SPATA3: variants seen among roughly 807,000 people sequenced by gnomAD.
The protein encoded by SPATA3 is spermatogenesis associated 3, also known as spermatogenesis-associated protein 3.
SPATA3 carries 6 observed loss-of-function variants against 5.7 expected under a neutral mutation model. The ratio of observed to expected loss-of-function variants is 1.06; its 90% confidence interval spans 0.58 to 2.09. The LOEUF is 2.09. Ranked by LOEUF, SPATA3 falls within the 30% of genes most tolerant of loss-of-function variation. The probability of loss-of-function intolerance (pLI) is 0.00; values close to 1 mark genes in which losing one functional copy is unlikely to be tolerated. For synonymous variants in SPATA3, 44 were observed against 48.4 expected (o/e 0.91, Z 0.37); for missense variants, 155 against 130.4 (o/e 1.19, Z -0.92).
chr2:230,997,377 C>G (rs915123658), intron 1 of SPATA3, among the ~76,000 whole-genome samples: 1 of 152,178 alleles, frequency 6.6e-6, no homozygotes, highest in Non-Finnish European at 1.5e-5. Flanking sequence ...ACTGTAAGTT[C>G]CACAAACCTC....
intron 6 of SPATA3, among the ~76,000 whole-genome samples, chr2:231,016,831 A>G (rs1244957060): frequency 6.6e-6 from 1 of 152,090 alleles, no homozygotes; most frequent in African/African-American, 2.4e-5. Context: ...CAGGCATCAG[A>G]TAGGATTCAA....
intron 1 of SPATA3, among the ~76,000 whole-genome samples, chr2:230,996,896 C>T (rs1007395941): frequency 8.5e-5 from 13 of 152,216 alleles, no homozygotes; most frequent in African/African-American, 3.1e-4. Context: ...GATGATACTG[C>T]TTTATTCTGT....
At chr2:231,013,226 C>G (rs912430536) in intron 5 of SPATA3, among the ~76,000 whole-genome samples, 3 of 152,072 alleles carry the variant, frequency 2.0e-5, no homozygotes, top group Non-Finnish European at 4.4e-5. Flanking sequence ...AAGGCAATGA[C>G]TGATTTGATT....
chr2:231,011,049 G>T (rs1204260462), downstream of SPATA3, among the ~76,000 whole-genome samples: 1 of 128,700 alleles, frequency 7.8e-6, no homozygotes, highest in African/African-American at 3.1e-5. Context: ...ATCCAGCCTG[G>T]GTGACAAAAG....
chr2:231,017,995 G>C (rs1451918898), intron 6 of SPATA3, among the ~76,000 whole-genome samples: 1 of 151,848 alleles, frequency 6.6e-6, no homozygotes, highest in Non-Finnish European at 1.5e-5. Flanking sequence ...CACAATCTCA[G>C]CTCACTGCAA....
chr2:231,010,238 C>T (rs576208668), downstream of SPATA3, among the ~76,000 whole-genome samples: 2 of 152,324 alleles, frequency 1.3e-5, no homozygotes, highest in African/African-American at 4.8e-5. Flanking sequence ...AATGAAGACC[C>T]AGAGGTACAG....
intron 1 of SPATA3, 43 bp downstream of exon 1, chr2:230,996,577 A>T: frequency 6.5e-7 from 1 of 1,540,040 alleles, no homozygotes; most frequent in Non-Finnish European, 8.8e-7. Flanking sequence ...CTTCCTGCTG[A>T]TGGAGTTCTG....
At chr2:231,010,425 G>T (rs1355887550), downstream of SPATA3, among the ~76,000 whole-genome samples, 4 of 152,256 alleles carry the variant, frequency 2.6e-5, no homozygotes, top group Non-Finnish European at 5.9e-5. Flanking sequence ...CATGGGGCAA[G>T]ATCTTCTCTG....
downstream of SPATA3, among the ~76,000 whole-genome samples, chr2:231,009,181 C>T (rs965369505): frequency 2.6e-5 from 4 of 152,198 alleles, no homozygotes; most frequent in African/African-American, 4.8e-5. Flanking sequence ...TGGGAATGGA[C>T]GCTGGGCAGC....
At chr2:231,017,112 T>C (rs1360408756) in intron 6 of SPATA3, among the ~76,000 whole-genome samples, 1 of 152,200 alleles carries the variant, frequency 6.6e-6, no homozygotes. Context: ...TTAGTGCCCA[T>C]GGTACTGCTC....
At chr2:231,006,842 C>G (rs1193787772), downstream of SPATA3, 3 of 152,174 alleles carry the variant, frequency 2.0e-5, no homozygotes, top group Non-Finnish European at 4.4e-5. Flanking sequence ...GAAGGTGAGG[C>G]CCTAAAAGCA....
downstream of SPATA3, among the ~76,000 whole-genome samples, chr2:231,011,087 AAAG>A (rs1261093021): frequency 2.7e-5 from 4 of 145,942 alleles, no homozygotes; most frequent in African/African-American, 5.3e-5. Flanking sequence ...AAAAAAAAAA[AAAG>A]AAAAGAAAAA....
chr2:231,002,457 C>T (rs1692387979), intron 2 of SPATA3, among the ~76,000 whole-genome samples: 1 of 152,168 alleles, frequency 6.6e-6, no homozygotes, highest in Non-Finnish European at 1.5e-5. Context: ...GTGTTCAGGG[C>T]AGCTAGCATC....
In SPATA3 at chr2:231,000,346, C is replaced by A; in HGVS notation, c.791-20C>A. 2 of 1,451,846 alleles carry A rather than the reference C, an allele frequency of 1.4e-6. No homozygotes were observed. Among genetic ancestry groups the A allele is most frequent in the Non-Finnish European group, 1.8e-6 (2 of 1,090,382 alleles). The allele number at this position is 1,451,846 out of a possible 1,614,324, so 89.9% of individuals were successfully genotyped here. On this transcript the variant is annotated intron_variant, in intron 1 of 2. Transcript: ENST00000645363. ...CCCAGGGCAGGTGCCTCCCTCACCT[C>A]TCTCCTTCTGTCCCCACAGGGCCTC...
At chr2:231,014,415 G>A (rs1485613376) in intron 6 of SPATA3, among the ~76,000 whole-genome samples, 1 of 152,194 alleles carries the variant, frequency 6.6e-6, no homozygotes. Context: ...TTCTGTAATA[G>A]AGTAGTTTCT....
intron 5 of SPATA3, among the ~76,000 whole-genome samples, chr2:231,013,252 G>A (rs4973363): frequency 0.44 from 66,188 of 151,864 alleles, 15,509 homozygotes; most frequent in African/African-American, 0.59. Context: ...CACGACAGAC[G>A]CATAGACACA....
chr2:230,996,255 A>G (rs1692114040), intron 1 of SPATA3: 1 of 1,491,380 alleles, frequency 6.7e-7, no homozygotes, highest in Non-Finnish European at 8.9e-7. Flanking sequence ...CAAGAAGAAA[A>G]GGTCAGAGGC....
chr2:230,999,021 T>C (rs1692244528), intron 1 of SPATA3, among the ~76,000 whole-genome samples: 1 of 152,302 alleles, frequency 6.6e-6, no homozygotes, highest in East Asian at 1.9e-4. Context: ...ATAAACAAAA[T>C]GTGGTATGAA....
chr2:231,015,477 C>T (rs1298295725), intron 6 of SPATA3, among the ~76,000 whole-genome samples: 1 of 152,056 alleles, frequency 6.6e-6, no homozygotes, highest in Non-Finnish European at 1.5e-5. Flanking sequence ...CAGCTGGGCT[C>T]CGTCCTCCTG....
Sources: allele counts gnomAD v4.1 joint callset (sites outside exome capture counted in the v4.1 genomes callset), GRCh38; gene constraint gnomAD v4.1.1; transcripts MANE v1.5; gene names NCBI Gene and HGNC (gene_info 2026-07-23, HGNC 2026-07-21).